Variants in MYO9B observed in about 807,000 individuals in gnomAD.
MYO9B encodes the protein myosin IXB.
Under a neutral mutation model 229.5 loss-of-function variants are expected in MYO9B, and 71 were observed. That is an observed-to-expected ratio of 0.31 (90% CI 0.26 to 0.38). The LOEUF is 0.38. MYO9B is among the 10% of genes least tolerant of loss of function. MYO9B has a pLI of 1.00. For synonymous variants in MYO9B, 1,185 were observed against 1,235.8 expected, an observed-to-expected ratio of 0.96 and a Z score of 0.86; for missense variants, 2,255 against 2,920.5, an observed-to-expected ratio of 0.77 and a Z score of 5.25.
At chr19:17,196,532 A>G (rs998574110) in intron 22 of MYO9B, among the ~76,000 whole-genome samples, 18 of 152,058 alleles carry the variant, frequency 1.2e-4, no homozygotes, top group Admixed American at 6.6e-5. Flanking sequence ...AAAATACAAA[A>G]ATTAGCTGGG....
intron 2 of MYO9B, among the ~76,000 whole-genome samples, chr19:17,120,710 T>C (rs879657802): frequency 1.3e-5 from 2 of 150,746 alleles, no homozygotes; most frequent in African/African-American, 2.4e-5. Context: ...TGCTAATTGG[T>C]AACAGTCCTC....
At chr19:17,111,563 C>T (rs901426876) in intron 2 of MYO9B, among the ~76,000 whole-genome samples, 2 of 152,150 alleles carry the variant, frequency 1.3e-5, no homozygotes, top group African/African-American at 4.8e-5. Context: ...GCTGAGAATA[C>T]AGGTGCACAC....
intron 37 of MYO9B, 141 bp downstream of exon 37, chr19:17,210,521 C>A: frequency 8.0e-7 from 1 of 1,252,680 alleles, no homozygotes; most frequent in South Asian, 1.6e-5. Flanking sequence ...GGCCCCTTGC[C>A]TGCTGACCTT....
chr19:17,170,826 A>G (rs1012817990), intron 11 of MYO9B, among the ~76,000 whole-genome samples: 3 of 93,684 alleles, frequency 3.2e-5, no homozygotes, highest in Non-Finnish European at 6.2e-5. Flanking sequence ...CCCAGCTCTA[A>G]AAATTAAAAA....
rs117128594 is a variant in MYO9B, at chr19:17,090,390, G to A, written c.-58-11270G>A. The stretch of plus-strand genomic sequence containing the variant: ...GGTCTTGAACTCATGAGCTCAAGCG[G>A]TCTGCCGGCCTTGGCCTCGCAAAGT... On this transcript the variant is annotated intron_variant, in intron 1 of 39. Coordinates refer to ENST00000682292, the MANE Select transcript of MYO9B (RefSeq NM_004145.4). Among the ~76,000 whole-genome samples, 1,446 of 152,180 alleles carry A rather than the reference G, an allele frequency of 9.5e-3. 124 individuals are homozygous for A. The East Asian group carries it at 0.21, about 22-fold the overall frequency.
intron 22 of MYO9B, among the ~76,000 whole-genome samples, chr19:17,197,431 G>GATAGATAC (rs1555704405): frequency 2.3e-5 from 2 of 88,208 alleles, no homozygotes; most frequent in African/African-American, 4.7e-5. Flanking sequence ...TAGATAGATA[G>GATAGATAC]ATAGATAGAT....
intron 2 of MYO9B, among the ~76,000 whole-genome samples, chr19:17,128,152 G>C (rs1368500389): frequency 6.6e-6 from 1 of 151,696 alleles, no homozygotes; most frequent in Non-Finnish European, 1.5e-5. Context: ...CGAGGCAGGA[G>C]AATCACTTGA....
At position 17,201,723 on chromosome 19, in the gene MYO9B, G is replaced by T. The variant is rs1041764132; in HGVS notation, c.4564-203G>T. ...GGTACACAGGGCAGGCCCCAATGTG[G>T]AGAGTAGTCCTGCCCTCAATGTCAG... is the stretch of plus-strand genomic sequence containing the variant. On this transcript the variant is annotated intron_variant, in intron 26 of 39. Transcript: ENST00000682292. Among the ~76,000 whole-genome samples the T allele has an allele frequency of 5.3e-5, 8 of 152,234 alleles. No individual in the cohort carries two copies. The South Asian group carries it at 1.7e-3, about 32-fold the overall frequency.
chr19:17,105,880 G>A lies in MYO9B; in HGVS notation c.840+3323G>A, dbSNP rs144788815. Reference sequence around the variant, plus strand: ...TTTTCTCCTGTGCAAGTAACACAGAGATTCATTGTCATTGTTTACATCAGC... The same window carrying A: ...TTTTCTCCTGTGCAAGTAACACAGAAATTCATTGTCATTGTTTACATCAGC... On this transcript the variant is annotated intron_variant, in intron 2 of 39. Coordinates refer to ENST00000682292, the MANE Select transcript of MYO9B (RefSeq NM_004145.4). Among the ~76,000 whole-genome samples the A allele has an allele frequency of 6.0e-3, 917 of 152,284 alleles. 8 individuals are homozygous for A. Among genetic ancestry groups the A allele is most frequent in the Non-Finnish European group, 0.011 (744 of 68,022 alleles).
chr19:17,142,812 C>G (rs1406079148), intron 2 of MYO9B, among the ~76,000 whole-genome samples: 1 of 152,096 alleles, frequency 6.6e-6, no homozygotes, highest in Non-Finnish European at 1.5e-5. Flanking sequence ...GAAAACCATT[C>G]TTGGCTCGCA....
intron 36 of MYO9B, 115 bp downstream of exon 36, chr19:17,209,824 G>C: frequency 7.2e-7 from 1 of 1,383,142 alleles, no homozygotes; most frequent in South Asian, 1.4e-5. Context: ...GGTCTTGGTG[G>C]GCGGGGCCTT....
chr19:17,195,017 G>C lies in MYO9B; in HGVS notation c.3590G>C (p.Ser1197Thr). The change falls in exon 22 of 40, where the codon AGC becomes ACC. Residue 1197 changes from serine to threonine, a missense_variant. Around this residue, in one of 7 missense-constraint regions of MYO9B, gnomAD observed 679 missense variants for 770.2 expected, o/e 0.88. Transcript: ENST00000682292. The surrounding 1 kb of genome is among the most constrained non-coding windows in gnomAD (Gnocchi z 4.5). The stretch of plus-strand genomic sequence containing the variant: ...AGTCTCCTGGAAGACAAAAAGGAGA[G>C]CAGAGAAGATGAAACCCTTCTAGTC... ...GVSLLEDKKE[S>T]REDETLLVVE... 1 of 1,613,224 alleles carries C rather than the reference G, an allele frequency of 6.2e-7. No homozygotes were observed. Among genetic ancestry groups the C allele is most frequent in the Non-Finnish European group, 8.5e-7 (1 of 1,179,896 alleles).
In MYO9B at chr19:17,155,816, C is replaced by T. The variant is rs1394411460; in HGVS notation, c.1200-1093C>T. Among the ~76,000 whole-genome samples, 3 of 151,958 alleles carry T rather than the reference C, an allele frequency of 2.0e-5. No individual in the cohort carries two copies. The East Asian group carries it at 5.8e-4, about 29-fold the overall frequency. ...GGTGGATTGCCTGAGCTCACGAGTTCAAGGCCAGGCTGGGCAACATGGCGA... is the reference window on the plus strand; with the variant it reads ...GGTGGATTGCCTGAGCTCACGAGTTTAAGGCCAGGCTGGGCAACATGGCGA... On this transcript the variant is annotated intron_variant, in intron 6 of 39. Coordinates refer to ENST00000682292, the MANE Select transcript of MYO9B (RefSeq NM_004145.4).
At chr19:17,156,859 G>C in intron 6 of MYO9B, 50 bp from the exon 7 acceptor site, 1 of 1,584,288 alleles carries the variant, frequency 6.3e-7, no homozygotes, top group South Asian at 1.2e-5. Context: ...AGTATCTGCT[G>C]TCTTAGGAAC....
chr19:17,142,820 G>C (rs186466024), intron 2 of MYO9B, among the ~76,000 whole-genome samples: 12 of 152,136 alleles, frequency 7.9e-5, no homozygotes, highest in African/African-American at 2.9e-4. Flanking sequence ...TTCTTGGCTC[G>C]CAGGCGATTA....
intron 24 of MYO9B, among the ~76,000 whole-genome samples, chr19:17,200,020 C>T (rs1269304961): frequency 1.3e-5 from 2 of 152,110 alleles, no homozygotes; most frequent in Non-Finnish European, 2.9e-5. Context: ...TACAGGAACC[C>T]ACCATCACGC....
chr19:17,085,414 G>T (rs1401280038), intron 1 of MYO9B, among the ~76,000 whole-genome samples: 1 of 152,090 alleles, frequency 6.6e-6, no homozygotes, highest in African/African-American at 2.4e-5. Context: ...GGGCCAGGTA[G>T]CGAGCCACCT....
At chr19:17,205,410 G>C (rs992802112) in intron 31 of MYO9B, 74 bp downstream of exon 31, 20 of 1,433,202 alleles carry the variant, frequency 1.4e-5, no homozygotes, top group Non-Finnish European at 1.9e-5. Flanking sequence ...GGTGGTGCTT[G>C]ATGTGAGGGC....
In MYO9B at chr19:17,152,522, C is replaced by T. The variant is rs567567082; in HGVS notation, c.936-122C>T. The T allele has an allele frequency of 1.4e-4, 101 of 707,132 alleles. 1 individual carries two copies. The highest frequency in any genetic ancestry group is 2.6e-4 in the African/African-American group (14 of 54,214). 43.8% of individuals were successfully genotyped at this position (707,132 alleles called of 1,614,324 possible). A position where few individuals can be genotyped will look rare whatever the true frequency, so the allele number is the denominator to read the frequency against. ...AGGTTGCAGTGAGCCGAGATTGTGC[C>T]GTTGTACTCCAGCCTGAACAACAGA... is the stretch of plus-strand genomic sequence containing the variant. On this transcript the variant is annotated intron_variant, in intron 3 of 39. Coordinates refer to ENST00000682292, the MANE Select transcript of MYO9B (RefSeq NM_004145.4).
Sources: allele counts gnomAD v4.1 joint callset (sites outside exome capture counted in the v4.1 genomes callset), GRCh38; gene constraint gnomAD v4.1.1; regional missense constraint gnomAD v4.1.1; non-coding constraint Gnocchi (gnomAD v3.1); transcripts MANE v1.5; gene names NCBI Gene and HGNC (gene_info 2026-07-23, HGNC 2026-07-21).